Variants in PTPRN2 observed in about 807,000 individuals in gnomAD.
The protein encoded by PTPRN2 is protein tyrosine phosphatase receptor type N2.
PTPRN2 carries 74 observed loss-of-function variants against 118.8 expected under a neutral mutation model. That is an observed-to-expected ratio of 0.62 (90% CI 0.52 to 0.76). PTPRN2 has a LOEUF of 0.76. Among genes scored for constraint, PTPRN2 ranks in the 30% least tolerant of loss-of-function variants. The pLI, the probability that PTPRN2 is intolerant of heterozygous loss-of-function variation, is 0.00. For synonymous variants in PTPRN2, 641 were observed against 608.0 expected (o/e 1.05, Z -0.80); for missense variants, 1,481 against 1,394.4 (o/e 1.06, Z -0.99).
intron 11 of PTPRN2, among the ~76,000 whole-genome samples, chr7:158,042,513 G>A (rs1345605194): frequency 6.6e-6 from 1 of 152,240 alleles, no homozygotes; most frequent in African/African-American, 2.4e-5. Context: ...CCATGGAACT[G>A]TGAACTAATC....
intron 11 of PTPRN2, among the ~76,000 whole-genome samples, chr7:158,071,302 TGGAGG>T (rs1811499131): frequency 1.8e-5 from 2 of 111,706 alleles, no homozygotes; most frequent in Non-Finnish European, 3.7e-5. Flanking sequence ...GTGCTCGTGG[TGGAGG>T]TGCCCATGGT....
intron 19 of PTPRN2, among the ~76,000 whole-genome samples, chr7:157,572,735 C>T (rs911241614): frequency 8.5e-5 from 13 of 152,244 alleles, no homozygotes; most frequent in African/African-American, 2.2e-4. Context: ...CTCGGCGTGC[C>T]CACCTGCAGA....
At chr7:157,635,829 C>T (rs1464139200) in intron 14 of PTPRN2, among the ~76,000 whole-genome samples, 1 of 152,202 alleles carries the variant, frequency 6.6e-6, no homozygotes, top group Non-Finnish European at 1.5e-5. Context: ...TTTCCTCTGG[C>T]TAGCTTACAG....
chr7:157,593,891 G>A (rs191343165), intron 17 of PTPRN2, among the ~76,000 whole-genome samples: 1 of 152,312 alleles, frequency 6.6e-6, no homozygotes, highest in African/African-American at 2.4e-5. Flanking sequence ...GCCATGCCGG[G>A]ATTACAAGCT....
At chr7:158,474,170 TA>T (rs1421786582) in intron 2 of PTPRN2, among the ~76,000 whole-genome samples, 6 of 152,184 alleles carry the variant, frequency 3.9e-5, no homozygotes, top group Non-Finnish European at 8.8e-5. Context: ...CAGCCACAGC[TA>T]AGCCAGGCCA....
chr7:157,730,274 G>C (rs967397239), intron 12 of PTPRN2, among the ~76,000 whole-genome samples: 2 of 152,140 alleles, frequency 1.3e-5, no homozygotes, highest in Admixed American at 6.5e-5. Context: ...ACTGTGTCTG[G>C]CTTTAAGGCT....
chr7:157,597,716 T>C (rs1801426181), intron 16 of PTPRN2, among the ~76,000 whole-genome samples: 2 of 152,100 alleles, frequency 1.3e-5, no homozygotes, highest in South Asian at 4.1e-4. Flanking sequence ...CAGGAGCAAA[T>C]ACAGTCAGGG....
chr7:157,621,025 A>G (rs75028974), intron 15 of PTPRN2, among the ~76,000 whole-genome samples: 937 of 52,926 alleles, frequency 0.018, 18 homozygotes, highest in African/African-American at 0.061. Flanking sequence ...TGCCCCCGGG[A>G]CTGGTATGTA....
At chr7:158,077,969 C>T (rs1190489455) in intron 11 of PTPRN2, among the ~76,000 whole-genome samples, 1 of 152,156 alleles carries the variant, frequency 6.6e-6, no homozygotes, top group Non-Finnish European at 1.5e-5. Flanking sequence ...AGAGTAAGTG[C>T]CTCCTTGAGC....
rs536534802 is a variant in PTPRN2, at chr7:158,464,855, G to A, written c.163+24880C>T. On this transcript the variant is annotated intron_variant, in intron 2 of 22. Transcript: ENST00000389418. ...CATCACCATCATCATCCTTACCATC[G>A]CTATCATTGCCATGCCAATGAGTAA... Among the ~76,000 whole-genome samples, 7 of 152,144 alleles carry A rather than the reference G, an allele frequency of 4.6e-5. No individual in the cohort carries two copies. In the East Asian group the frequency reaches 5.8e-4, roughly 13 times the overall value.
intron 5 of PTPRN2, 100 bp from the exon 6 acceptor site, chr7:158,167,391 G>T: frequency 7.1e-7 from 1 of 1,415,314 alleles, no homozygotes; most frequent in Non-Finnish European, 9.4e-7. Context: ...GTCCTAAACA[G>T]CCCTGGGGGT....
At chr7:158,408,774 G>A (rs1177951539) in intron 2 of PTPRN2, among the ~76,000 whole-genome samples, 1 of 152,200 alleles carries the variant, frequency 6.6e-6, no homozygotes, top group Non-Finnish European at 1.5e-5. Flanking sequence ...CGGATCAAAA[G>A]TTCACATTTT....
At chr7:157,746,997 G>T (rs964847021) in intron 12 of PTPRN2, among the ~76,000 whole-genome samples, 4 of 150,698 alleles carry the variant, frequency 2.7e-5, no homozygotes, top group African/African-American at 9.8e-5. Context: ...CGATTCTGAG[G>T]CCTGTGTCCC....
intron 3 of PTPRN2, among the ~76,000 whole-genome samples, chr7:158,225,334 G>T (rs1414687385): frequency 6.6e-6 from 1 of 152,070 alleles, no homozygotes; most frequent in East Asian, 1.9e-4. Context: ...GAGTCCCTCA[G>T]CAGGTGGATG....
intron 5 of PTPRN2, among the ~76,000 whole-genome samples, chr7:158,186,039 C>G (rs570434943): frequency 6.6e-6 from 1 of 152,162 alleles, no homozygotes; most frequent in Non-Finnish European, 1.5e-5. Context: ...TCCCTAGTGC[C>G]GCATCTCACA....
intron 3 of PTPRN2, among the ~76,000 whole-genome samples, chr7:158,311,358 C>G (rs1022208504): frequency 6.6e-6 from 1 of 152,080 alleles, no homozygotes; most frequent in Non-Finnish European, 1.5e-5. Flanking sequence ...AAGATTCTTA[C>G]CAGGAAATGA....
chr7:158,153,932 C>T (rs539095683), intron 6 of PTPRN2, among the ~76,000 whole-genome samples: 2 of 151,918 alleles, frequency 1.3e-5, no homozygotes, highest in Non-Finnish European at 2.9e-5. Context: ...GGTCTGCCAA[C>T]AGACTGGACA....
chr7:157,725,569 G>GT (rs1563042604), intron 12 of PTPRN2, among the ~76,000 whole-genome samples: 10 of 125,462 alleles, frequency 8.0e-5, no homozygotes, highest in East Asian at 2.2e-4. Context: ...GCAGAGGAGT[G>GT]AGCCAGACCC....
intron 14 of PTPRN2, among the ~76,000 whole-genome samples, chr7:157,653,630 G>A (rs573954660): frequency 2.6e-5 from 4 of 152,230 alleles, no homozygotes; most frequent in African/African-American, 9.6e-5. Flanking sequence ...CTCTGCTCCT[G>A]TACCAGGGAC....
Sources: gnomAD v4.1 joint callset for allele counts (sites outside exome capture counted in the v4.1 genomes callset) on GRCh38, gnomAD v4.1.1 for gene constraint, MANE v1.5 for transcripts, NCBI Gene and HGNC (gene_info 2026-07-23, HGNC 2026-07-21) for gene names.